The following RAP1A variants were observed in gnomAD, a reference collection of about 807,000 sequenced individuals.
RAP1A encodes RAP1A, member of RAS oncogene family.
A neutral mutation model predicts 26.4 loss-of-function variants in RAP1A; 6 were observed. The observed-to-expected ratio is 0.23, with a 90% CI of 0.12 to 0.45. RAP1A has a LOEUF of 0.45. Among genes scored for constraint, RAP1A ranks in the 20% least tolerant of loss-of-function variants. RAP1A has a pLI of 0.99. For missense variants in RAP1A, 121 were observed against 217.2 expected (o/e 0.56, Z 2.78); for synonymous variants, 73 against 79.4 (o/e 0.92, Z 0.43).
chr1:111,610,416 T>C (rs1658903536), intron 1 of RAP1A, among the ~76,000 whole-genome samples: 1 of 152,192 alleles, frequency 6.6e-6, no homozygotes, highest in Non-Finnish European at 1.5e-5. Context: ...CTTTTCGGAC[T>C]CAGCTAGTAG....
intron 1 of RAP1A, among the ~76,000 whole-genome samples, chr1:111,595,350 CA>C (rs1658546696): frequency 6.6e-6 from 1 of 152,132 alleles, no homozygotes; most frequent in Non-Finnish European, 1.5e-5. Context: ...GTTTCTGGTA[CA>C]GGGGTCTTGA....
intron 1 of RAP1A, among the ~76,000 whole-genome samples, chr1:111,666,439 CT>C (rs1186394503): frequency 6.6e-6 from 1 of 152,008 alleles, no homozygotes; most frequent in Non-Finnish European, 1.5e-5. Flanking sequence ...CTGTCTTAGA[CT>C]TTTTTTGATG....
At chr1:111,603,262 C>A (rs959033636) in intron 1 of RAP1A, among the ~76,000 whole-genome samples, 1 of 152,204 alleles carries the variant, frequency 6.6e-6, no homozygotes, top group Non-Finnish European at 1.5e-5. Flanking sequence ...GTTCCTGGAA[C>A]GCCACCGATC....
intron 1 of RAP1A, among the ~76,000 whole-genome samples, chr1:111,559,417 G>A (rs1485834116): frequency 6.6e-6 from 1 of 152,108 alleles, no homozygotes; most frequent in Non-Finnish European, 1.5e-5. Context: ...ATGAAACTTA[G>A]TGCCTCCAAA....
At chr1:111,654,026 G>T (rs1443924479) in intron 1 of RAP1A, among the ~76,000 whole-genome samples, 2 of 152,114 alleles carry the variant, frequency 1.3e-5, no homozygotes, top group Non-Finnish European at 2.9e-5. Flanking sequence ...TTCTAAACTG[G>T]CATATTAACT....
chr1:111,643,598 A>G (rs1659961378), intron 1 of RAP1A, among the ~76,000 whole-genome samples: 1 of 152,186 alleles, frequency 6.6e-6, no homozygotes, highest in South Asian at 2.1e-4. Context: ...AAGCAACAGA[A>G]CCATCATGGT....
upstream of RAP1A, chr1:111,619,751 CTGCGTGGTGCGTGCG>C: frequency 2.5e-6 from 1 of 395,064 alleles, no homozygotes; most frequent in Non-Finnish European, 4.5e-6. Context: ...GGGGCGGGGC[CTGCGTGGTGCGTGCG>C]TGCGCGTTCT....
At chr1:111,626,372 C>CAT (rs930978087) in intron 1 of RAP1A, among the ~76,000 whole-genome samples, 1 of 39,918 alleles carries the variant, frequency 2.5e-5, no homozygotes, top group Non-Finnish European at 4.7e-5. Context: ...TGTATACATA[C>CAT]ACACACACAC....
rs566757424 is a variant in RAP1A, at chr1:111,705,639, C to T, written c.468+1153C>T. On this transcript the variant is annotated intron_variant, in intron 6 of 7. Coordinates refer to ENST00000369709, the MANE Select transcript of RAP1A (RefSeq NM_002884.4). ...CAAATATTTATTGACTATTGTGTGT[C>T]TGGCACTGTGTCAGGCCCTCAGGTA... is the stretch of plus-strand genomic sequence containing the variant. 2.6e-5 allele frequency among the ~76,000 whole-genome samples: 4 copies of T among 152,278 alleles called. No individual in the cohort carries two copies. The East Asian group carries it at 7.7e-4, about 29-fold the overall frequency.
intron 6 of RAP1A, among the ~76,000 whole-genome samples, chr1:111,707,914 C>T (rs1662246498): frequency 6.6e-6 from 1 of 152,146 alleles, no homozygotes; most frequent in South Asian, 2.1e-4. Flanking sequence ...GTGGCTCACA[C>T]CTAAAATCTT....
At chr1:111,642,067 A>T (rs946107566) in intron 1 of RAP1A, among the ~76,000 whole-genome samples, 15 of 152,182 alleles carry the variant, frequency 9.9e-5, no homozygotes, top group African/African-American at 3.6e-4. Context: ...CAACATGAAG[A>T]AACCCTGTCT....
chr1:111,668,398 T>TA (rs1223015972), intron 1 of RAP1A, among the ~76,000 whole-genome samples: 6 of 152,184 alleles, frequency 3.9e-5, no homozygotes, highest in Non-Finnish European at 8.8e-5. Context: ...AGGTAAAGAT[T>TA]AAAAATATAA....
At chr1:111,580,257 T>G (rs185955880) in intron 1 of RAP1A, among the ~76,000 whole-genome samples, 2 of 152,300 alleles carry the variant, frequency 1.3e-5, no homozygotes, top group African/African-American at 4.8e-5. Context: ...AAGGAGAACA[T>G]CTTTACAAAA....
In RAP1A at chr1:111,676,133, G is replaced by A. The variant is rs185183928; in HGVS notation, c.-27-15201G>A. On this transcript the variant is annotated intron_variant, in intron 1 of 7. Coordinates refer to ENST00000369709, the MANE Select transcript of RAP1A (RefSeq NM_002884.4). ...GCACTTTGGGAGGCTGAGGACAGGC[G>A]GATCATGAGGTCAGGAGTTCGAGAC... Among the ~76,000 whole-genome samples, 342 of 152,220 alleles carry A rather than the reference G, an allele frequency of 2.2e-3. 1 individual carries two copies. Among genetic ancestry groups the A allele is most frequent in the Non-Finnish European group, 3.7e-3 (255 of 68,012 alleles).
At chr1:111,608,783 TGCAGGCACTCC>T (rs1323095375) in intron 1 of RAP1A, 6 of 156,692 alleles carry the variant, frequency 3.8e-5, no homozygotes, top group African/African-American at 1.4e-4. Flanking sequence ...CGCCTGCAAT[TGCAGGCACTCC>T]GCAGGCTGAG....
intron 1 of RAP1A, among the ~76,000 whole-genome samples, chr1:111,686,319 C>T (rs955078440): frequency 6.6e-6 from 1 of 152,052 alleles, no homozygotes; most frequent in Non-Finnish European, 1.5e-5. Context: ...AAAGTGTTGG[C>T]TAGGCATGGT....
chr1:111,711,470 A>G (rs956639037), intron 7 of RAP1A, among the ~76,000 whole-genome samples: 4 of 152,240 alleles, frequency 2.6e-5, no homozygotes, highest in African/African-American at 7.2e-5. Context: ...CTTAGAGAAG[A>G]TAAATCTTGA....
intron 1 of RAP1A, among the ~76,000 whole-genome samples, chr1:111,595,719 G>A (rs1340156860): frequency 6.6e-6 from 1 of 152,196 alleles, no homozygotes; most frequent in Admixed American, 6.5e-5. Flanking sequence ...CAGTGAGGAT[G>A]GGCAGAGTTG....
chr1:111,549,083 T>C (rs1657147251), intron 1 of RAP1A, among the ~76,000 whole-genome samples: 1 of 152,200 alleles, frequency 6.6e-6, no homozygotes, highest in African/African-American at 2.4e-5. Flanking sequence ...AATTTGTTAG[T>C]ATTTTGTTGA....
Sources: allele counts gnomAD v4.1 joint callset (sites outside exome capture counted in the v4.1 genomes callset), GRCh38; gene constraint gnomAD v4.1.1; transcripts MANE v1.5; gene names NCBI Gene and HGNC (gene_info 2026-07-23, HGNC 2026-07-21).